DSE: variants seen among roughly 807,000 people sequenced by gnomAD.
DSE encodes the protein dermatan sulfate epimerase.
In DSE, 36 loss-of-function variants were observed where a neutral mutation model predicts 84.4. That is an observed-to-expected ratio of 0.43 (90% CI 0.33 to 0.56). The LOEUF is 0.56. Ranked by LOEUF, DSE falls within the 20% of genes least tolerant of loss-of-function variation. DSE has a pLI of 0.06. For synonymous variants in DSE, 410 were observed against 430.1 expected, an observed-to-expected ratio of 0.95 and a Z score of 0.58; for missense variants, 862 against 1,169.6, an observed-to-expected ratio of 0.74 and a Z score of 3.84.
intron 5 of DSE, 123 bp downstream of exon 5, chr6:116,433,673 C>A: frequency 1.0e-6 from 1 of 979,840 alleles, no homozygotes; most frequent in Non-Finnish European, 1.5e-6. Context: ...TTCTCCATGC[C>A]ACCTGAGTAT....
chr6:116,268,520 C>G (rs962448185), intron 2 of DSE, among the ~76,000 whole-genome samples: 1 of 152,190 alleles, frequency 6.6e-6, no homozygotes, highest in African/African-American at 2.4e-5. Flanking sequence ...AATTTTTCAT[C>G]TACATGAATG....
In DSE at chr6:116,276,409, A is replaced by G. The variant is rs974764265; in HGVS notation, c.-54+17442A>G. On this transcript the variant is annotated intron_variant, in intron 2 of 3. Transcript: ENST00000430252. ...GTGCTGCATAAACTACATGGAAAAA[A>G]GTGATTGAGTAAGCAGTTGCAACTG... 2.0e-5 allele frequency among the ~76,000 whole-genome samples: 3 copies of G among 152,200 alleles called. No individual in the cohort carries two copies. The South Asian group carries it at 6.2e-4, about 32-fold the overall frequency.
rs534459729 is a variant in DSE at position 116,399,540 on chromosome 6, G to A, written c.290G>A (p.Arg97His). 31 of 1,614,180 alleles carry A rather than the reference G, an allele frequency of 1.9e-5. No individual in the cohort carries two copies. The South Asian group carries it at 2.2e-4, about 11-fold the overall frequency. Reference sequence around the variant, plus strand: ...TGGGATCCCAAGGACTACAGTGCCCGCTGGAATGAAATTTTTGGAAACAAC... The same window carrying A: ...TGGGATCCCAAGGACTACAGTGCCCACTGGAATGAAATTTTTGGAAACAAC... ...PPWDPKDYSA[R>H]WNEIFGNNLG... is the part of the protein sequence containing the mutation. The change falls in exon 2 of 6, where the codon CGC becomes CAC. Residue 97 changes from arginine to histidine, a missense_variant. Coordinates refer to ENST00000644252, the MANE Select transcript of DSE (RefSeq NM_013352.4).
chr6:116,254,199 C>A, exon 1 of DSE: 1 of 721,046 alleles, frequency 1.4e-6, no homozygotes, highest in Non-Finnish European at 2.5e-6. Flanking sequence ...GCTTATCAAT[C>A]CATCGTATTC....
At chr6:116,312,251 T>C (rs1248487647) in intron 2 of DSE, among the ~76,000 whole-genome samples, 1 of 152,214 alleles carries the variant, frequency 6.6e-6, no homozygotes, top group Non-Finnish European at 1.5e-5. Flanking sequence ...AGTTATGTAA[T>C]GTGCTACTTA....
chr6:116,338,439 G>C (rs1777398450), intron 2 of DSE, among the ~76,000 whole-genome samples: 1 of 151,670 alleles, frequency 6.6e-6, no homozygotes, highest in Non-Finnish European at 1.5e-5. Flanking sequence ...GCCTAGGCTG[G>C]TCTCAAACTC....
intron 2 of DSE, among the ~76,000 whole-genome samples, chr6:116,314,656 A>T (rs13209267): frequency 6.6e-6 from 1 of 152,070 alleles, no homozygotes; most frequent in Non-Finnish European, 1.5e-5. Flanking sequence ...TTTATTCATC[A>T]GATAGTGTTA....
At chr6:116,271,718 C>G (rs1343672491) in intron 2 of DSE, among the ~76,000 whole-genome samples, 3 of 152,070 alleles carry the variant, frequency 2.0e-5, no homozygotes, top group African/African-American at 7.2e-5. Flanking sequence ...CAAATAAGAT[C>G]TTGTAAGTAG....
At chr6:116,289,298 A>G (rs1359443959) in intron 2 of DSE, among the ~76,000 whole-genome samples, 3 of 152,046 alleles carry the variant, frequency 2.0e-5, no homozygotes, top group Non-Finnish European at 4.4e-5. Context: ...AAATACTTGC[A>G]TAGATTTTTT....
intron 2 of DSE, among the ~76,000 whole-genome samples, chr6:116,349,921 T>C (rs1778213767): frequency 1.3e-5 from 2 of 152,224 alleles, no homozygotes; most frequent in African/African-American, 4.8e-5. Flanking sequence ...AGTTACTTTT[T>C]ACAGAGAGAA....
chr6:116,318,772 T>C (rs1776137408), intron 2 of DSE, among the ~76,000 whole-genome samples: 1 of 152,154 alleles, frequency 6.6e-6, no homozygotes, highest in Non-Finnish European at 1.5e-5. Flanking sequence ...TGGAAGGAAA[T>C]ACCCAAAGAG....
chr6:116,308,688 T>G (rs538024942), intron 2 of DSE, among the ~76,000 whole-genome samples: 2 of 151,822 alleles, frequency 1.3e-5, no homozygotes, highest in African/African-American at 4.8e-5. Flanking sequence ...TTTTTTGGGG[T>G]TTTTTTTGAG....
At chr6:116,345,513 T>C (rs1777900620) in intron 2 of DSE, among the ~76,000 whole-genome samples, 1 of 152,204 alleles carries the variant, frequency 6.6e-6, no homozygotes, top group Non-Finnish European at 1.5e-5. Flanking sequence ...TGCTCCTGAA[T>C]GACTACTGGG....
chr6:116,336,863 A>G (rs1583040867), intron 2 of DSE, among the ~76,000 whole-genome samples: 3 of 152,316 alleles, frequency 2.0e-5, no homozygotes, highest in African/African-American at 7.2e-5. Context: ...GTAGCAAAAA[A>G]TATTAATCTT....
At chr6:116,324,882 G>A (rs898782441) in intron 2 of DSE, among the ~76,000 whole-genome samples, 4 of 152,166 alleles carry the variant, frequency 2.6e-5, no homozygotes, top group Admixed American at 2.0e-4. Context: ...ACTCTCCTAT[G>A]TCTGTGCTTT....
chr6:116,337,250 T>A (rs1413512704), intron 2 of DSE, among the ~76,000 whole-genome samples: 1 of 152,224 alleles, frequency 6.6e-6, no homozygotes, highest in Non-Finnish European at 1.5e-5. Context: ...AAAATATATA[T>A]AAGAAAAGTT....
intron 2 of DSE, among the ~76,000 whole-genome samples, chr6:116,362,391 T>C (rs767759479): frequency 6.6e-6 from 1 of 152,230 alleles, no homozygotes; most frequent in Non-Finnish European, 1.5e-5. Context: ...AAAATTCATA[T>C]GTAAGCCCCA....
At position 116,334,284 on chromosome 6, in the gene DSE, T is replaced by A. The variant is rs182745322; in HGVS notation, c.-53-64914T>A. 1.3e-3 allele frequency among the ~76,000 whole-genome samples: 203 copies of A among 152,348 alleles called. 2 individuals are homozygous for A. Among genetic ancestry groups the A allele is most frequent in the Admixed American group, 3.5e-3 (54 of 15,304 alleles). ...TTTTAAAGAAAGCTTGAAATCACTC[T>A]GCTACCTTCTAGCAGAGTTAAGGTC... On this transcript the variant is annotated intron_variant, in intron 2 of 3. Transcript: ENST00000430252.
intron 2 of DSE, among the ~76,000 whole-genome samples, chr6:116,299,498 TTATTTTTA>T (rs1774864048): frequency 4.4e-5 from 1 of 22,666 alleles, no homozygotes; most frequent in Non-Finnish European, 1.9e-4. Flanking sequence ...GCTTCTTGAA[TTATTTTTA>T]TATATATATA....
Sources: gnomAD v4.1 joint callset for allele counts (sites outside exome capture counted in the v4.1 genomes callset) on GRCh38, gnomAD v4.1.1 for gene constraint, MANE v1.5 for transcripts, NCBI Gene and HGNC (gene_info 2026-07-23, HGNC 2026-07-21) for gene names.